PARD3: variants seen among roughly 807,000 people sequenced by gnomAD.
The protein encoded by PARD3 is par-3 family cell polarity regulator, also known as partitioning defective 3 homolog.
PARD3 carries 75 observed loss-of-function variants against 155.4 expected under a neutral mutation model. The ratio of observed to expected loss-of-function variants is 0.48; its 90% CI spans 0.40 to 0.58. The LOEUF (loss-of-function observed/expected upper bound fraction) is 0.58, where lower values mean the gene tolerates loss of function less well. PARD3 is among the 20% of genes least tolerant of loss of function. The pLI, the probability that PARD3 is intolerant of heterozygous loss-of-function variation, is 0.00. For synonymous variants in PARD3, 576 were observed against 610.5 expected, an observed-to-expected ratio of 0.94 and a Z score of 0.83; for missense variants, 1,642 against 1,721.7, an observed-to-expected ratio of 0.95 and a Z score of 0.82.
intron 22 of PARD3, among the ~76,000 whole-genome samples, chr10:34,249,265 G>C (rs1954146602): frequency 6.6e-6 from 1 of 152,080 alleles, no homozygotes; most frequent in African/African-American, 2.4e-5. Flanking sequence ...TCCCACCTCA[G>C]CCTCCCAAAG....
chr10:34,644,912 G>T (rs1043767759), intron 2 of PARD3, among the ~76,000 whole-genome samples: 1 of 152,168 alleles, frequency 6.6e-6, no homozygotes, highest in Non-Finnish European at 1.5e-5. Context: ...GGAGTGCAAT[G>T]ATGAGATCCT....
At chr10:34,724,992 T>A (rs2094675621) in intron 1 of PARD3, among the ~76,000 whole-genome samples, 3 of 152,202 alleles carry the variant, frequency 2.0e-5, no homozygotes, top group Non-Finnish European at 4.4e-5. Context: ...AGACTGGACA[T>A]AGCTGGAGCA....
chr10:34,574,875 T>C (rs753389613), intron 2 of PARD3, among the ~76,000 whole-genome samples: 4 of 152,226 alleles, frequency 2.6e-5, no homozygotes, highest in East Asian at 3.8e-4. Context: ...TGCAGAAATA[T>C]CTGCTATTCT....
chr10:34,740,771 T>C (rs1043350390), intron 1 of PARD3, among the ~76,000 whole-genome samples: 2 of 152,130 alleles, frequency 1.3e-5, no homozygotes, highest in Non-Finnish European at 2.9e-5. Context: ...TTGACGTATA[T>C]CTTTTGAGAT....
rs748613653 is a variant in PARD3, at chr10:34,374,982, C to T, written c.1560G>A (p.Val520=). 1.9e-5 allele frequency: 30 copies of T among 1,613,536 alleles called. No homozygotes were observed. The highest frequency in any genetic ancestry group is 2.5e-5 in the Non-Finnish European group (30 of 1,179,772). Residue 520 remains valine (V), a synonymous_variant, in exon 11 of 25, where the codon GTG becomes GTA. Coordinates refer to ENST00000374788, the MANE Select transcript of PARD3 (RefSeq NM_001184785.2). The stretch of plus-strand genomic sequence containing the variant: ...AAACAACTTCCTCTTGGGATTTGCC[C>T]ACTAAATCTACTCCATTTACCTAAA... ...RLIEVNGVDL[V]GKSQEEVVSL...
In PARD3 at chr10:34,259,359, T is replaced by C. The variant is rs1292875818; in HGVS notation, c.3419+10298A>G. Among the ~76,000 whole-genome samples, 4 of 152,160 alleles carry C rather than the reference T, an allele frequency of 2.6e-5. No homozygotes were observed. The East Asian group carries it at 7.7e-4, about 29-fold the overall frequency. On this transcript the variant is annotated intron_variant, in intron 22 of 24. Transcript: ENST00000374788. ...AAGGTGTTGGCAGAGCCAAGTTCCT[T>C]CCGGAGGCTCGAGGGGAGAATCTGC... is the stretch of plus-strand genomic sequence containing the variant.
At chr10:34,309,874 G>A (rs1307367514) in intron 20 of PARD3, among the ~76,000 whole-genome samples, 1 of 141,164 alleles carries the variant, frequency 7.1e-6, no homozygotes, top group East Asian at 2.1e-4. Flanking sequence ...TGAGATGCAA[G>A]TGGGGAAAAG....
In PARD3 at chr10:34,452,867, T is replaced by G. The variant is rs566073595; in HGVS notation, c.583-2419A>C. Among the ~76,000 whole-genome samples the G allele has an allele frequency of 7.2e-5, 11 of 152,312 alleles. No individual in the cohort carries two copies. The East Asian group carries it at 1.4e-3, about 19-fold the overall frequency. ...AAAACATTTAGAATTAGCTTTACTCTCTTTCCTCCCTCTTTGATCTCCACA... is the reference window on the plus strand; with the variant it reads ...AAAACATTTAGAATTAGCTTTACTCGCTTTCCTCCCTCTTTGATCTCCACA... On this transcript the variant is annotated intron_variant, in intron 4 of 24. Coordinates refer to ENST00000374788, the MANE Select transcript of PARD3 (RefSeq NM_001184785.2).
Position 34,734,590 on chromosome 10 carries a change from G to A in PARD3, c.121-38171C>T, listed in dbSNP as rs559187666. On this transcript the variant is annotated intron_variant, in intron 1 of 24. Coordinates refer to ENST00000374788, the MANE Select transcript of PARD3 (RefSeq NM_001184785.2). ...CCTGACCTTGTGATCCGCCCACCTCGGCCCATATGGGGCATTTTTAAAATA... is the reference window on the plus strand; with the variant it reads ...CCTGACCTTGTGATCCGCCCACCTCAGCCCATATGGGGCATTTTTAAAATA... Among the ~76,000 whole-genome samples, 13 of 151,780 alleles carry A rather than the reference G, an allele frequency of 8.6e-5. No homozygotes were observed. The East Asian group carries it at 2.1e-3, about 25-fold the overall frequency.
intron 2 of PARD3, among the ~76,000 whole-genome samples, 175 bp from the exon 3 acceptor site, chr10:34,517,334 C>T (rs1286225026): frequency 2.0e-5 from 3 of 152,120 alleles, no homozygotes; most frequent in South Asian, 2.1e-4. Context: ...AATTTTGATG[C>T]TTTACTTGTA....
chr10:34,329,797 G>A (rs1439110319), intron 19 of PARD3, among the ~76,000 whole-genome samples: 1 of 152,140 alleles, frequency 6.6e-6, no homozygotes, highest in East Asian at 1.9e-4. Context: ...GGAGAGAAGT[G>A]TAGCAATCCT....
intron 3 of PARD3, among the ~76,000 whole-genome samples, chr10:34,489,232 G>A (rs1236670579): frequency 6.6e-6 from 1 of 152,100 alleles, no homozygotes; most frequent in Non-Finnish European, 1.5e-5. Flanking sequence ...CAGCTACTAG[G>A]GAGGCTGAGG....
intron 5 of PARD3, among the ~76,000 whole-genome samples, chr10:34,416,126 A>G (rs1470544071): frequency 6.6e-6 from 1 of 152,130 alleles, no homozygotes; most frequent in Non-Finnish European, 1.5e-5. Flanking sequence ...CTCAAAAGAG[A>G]GCTACTTAAT....
intron 3 of PARD3, among the ~76,000 whole-genome samples, chr10:34,493,800 A>C (rs1243017773): frequency 1.3e-5 from 2 of 152,168 alleles, no homozygotes; most frequent in Non-Finnish European, 2.9e-5. Flanking sequence ...ATATTAAAAC[A>C]AAGATAATAC....
intron 5 of PARD3, among the ~76,000 whole-genome samples, chr10:34,402,421 G>A (rs903391403): frequency 6.6e-6 from 1 of 152,116 alleles, no homozygotes; most frequent in Non-Finnish European, 1.5e-5. Flanking sequence ...TGCTAACACA[G>A]CTTGTCAAAA....
At chr10:34,625,585 C>A (rs759721225) in intron 2 of PARD3, among the ~76,000 whole-genome samples, 2 of 152,150 alleles carry the variant, frequency 1.3e-5, no homozygotes, top group African/African-American at 4.8e-5. Context: ...GACTTGAAAA[C>A]AAAGGAATTG....
At chr10:34,773,709 G>A (rs551477866) in intron 1 of PARD3, among the ~76,000 whole-genome samples, 28 of 152,142 alleles carry the variant, frequency 1.8e-4, no homozygotes, top group Non-Finnish European at 2.5e-4. Context: ...AGGTTTATTC[G>A]GTGCTTTTCT....
chr10:34,756,382 T>C (rs369109499), intron 1 of PARD3, among the ~76,000 whole-genome samples: 17 of 147,534 alleles, frequency 1.2e-4, no homozygotes, highest in East Asian at 8.3e-4. Context: ...CTTGATCTCC[T>C]GACCTCATGA....
chr10:34,479,728 C>T (rs765351640), intron 3 of PARD3, among the ~76,000 whole-genome samples: 2 of 152,152 alleles, frequency 1.3e-5, no homozygotes, highest in Middle Eastern at 3.4e-3. Context: ...GAACCTTTGC[C>T]CTCCTCTCCA....
Sources: gnomAD v4.1 joint callset for allele counts (sites outside exome capture counted in the v4.1 genomes callset) on GRCh38, gnomAD v4.1.1 for gene constraint, MANE v1.5 for transcripts, NCBI Gene and HGNC (gene_info 2026-07-23, HGNC 2026-07-21) for gene names.